ZNF578: variants seen among roughly 807,000 people sequenced by gnomAD.
ZNF578 encodes the protein zinc finger protein 578.
In ZNF578, 8 loss-of-function variants were observed where a neutral mutation model predicts 8.3. The ratio of observed to expected loss-of-function variants is 0.96; its 90% CI spans 0.56 to 1.74. ZNF578 has a LOEUF of 1.74. ZNF578 is among the 40% of genes most tolerant of loss of function. The probability of loss-of-function intolerance (pLI) is 0.00; values close to 1 mark genes in which losing one functional copy is unlikely to be tolerated. For missense variants in ZNF578, 726 were observed against 707.5 expected (o/e 1.03, Z -0.30); for synonymous variants, 206 against 232.2 (o/e 0.89, Z 1.03).
intron 3 of ZNF578, among the ~76,000 whole-genome samples, chr19:52,496,324 T>TATTTATTTATTTCTTTA (rs1301134040): frequency 8.1e-6 from 1 of 123,332 alleles, no homozygotes; most frequent in Admixed American, 8.3e-5. Flanking sequence ...CCTCATTTGT[T>TATTTATTTATTTCTTTA]GTTATTTATT....
chr19:52,494,936 A>G (rs550549162), intron 3 of ZNF578, among the ~76,000 whole-genome samples: 1 of 151,888 alleles, frequency 6.6e-6, no homozygotes, highest in Non-Finnish European at 1.5e-5. Flanking sequence ...GGCTCAAGCA[A>G]TCCTCCTCCC....
At chr19:52,466,239 A>G (rs1398718979) in intron 2 of ZNF578, among the ~76,000 whole-genome samples, 1 of 152,182 alleles carries the variant, frequency 6.6e-6, no homozygotes, top group Non-Finnish European at 1.5e-5. Context: ...TTATTCTTTA[A>G]CTTATCAGAG....
chr19:52,481,208 C>A (rs374145411), intron 2 of ZNF578, among the ~76,000 whole-genome samples: 46 of 152,218 alleles, frequency 3.0e-4, no homozygotes, highest in African/African-American at 1.0e-3. Flanking sequence ...GCGGCAGACT[C>A]CTCCTGGTGT....
intron 3 of ZNF578, among the ~76,000 whole-genome samples, chr19:52,499,218 G>T (rs1300002786): frequency 1.3e-5 from 2 of 152,204 alleles, no homozygotes; most frequent in African/African-American, 4.8e-5. Context: ...AAAATACAGT[G>T]TGTGACTTTT....
At chr19:52,506,436 C>T (rs1261711225) in intron 5 of ZNF578, among the ~76,000 whole-genome samples, 1 of 150,034 alleles carries the variant, frequency 6.7e-6, no homozygotes, top group Non-Finnish European at 1.5e-5. Flanking sequence ...CATGGTGAAA[C>T]CACATCTCTA....
intron 3 of ZNF578, among the ~76,000 whole-genome samples, chr19:52,500,530 C>A (rs2059403176): frequency 6.6e-6 from 1 of 151,610 alleles, no homozygotes; most frequent in Non-Finnish European, 1.5e-5. Context: ...CCTCAGCTTC[C>A]CAAGTAGATG....
chr19:52,496,618 C>G (rs900755325), intron 3 of ZNF578, among the ~76,000 whole-genome samples: 1 of 150,464 alleles, frequency 6.6e-6, no homozygotes. Context: ...CGTGAGCCAC[C>G]GCGCTCAGCC....
Position 52,458,468 on chromosome 19 carries a change from T to TTATATATATATATATATATATATATA in ZNF578, c.-122+1525_-122+1526insATATATATATATATATATATATATAT, listed in dbSNP as rs6146551. The TTATATATATATATATATATATATATA allele has an allele frequency of 6.9e-3, 836 of 121,562 alleles. 54 individuals carry two copies. Among genetic ancestry groups the TTATATATATATATATATATATATATA allele is most frequent in the African/African-American group, 0.029 (737 of 25,122 alleles). 7.5% of individuals were successfully genotyped at this position (121,562 alleles called of 1,614,324 possible). A position where few individuals can be genotyped will look rare whatever the true frequency, so the allele number is the denominator to read the frequency against. ...AAAAAACAACAACTTGCTACTATGT[T>TTATATATATATATATATATATATATA]TATATATATATATATTTTGAAAATC... is the stretch of plus-strand genomic sequence containing the variant. On this transcript the variant is annotated intron_variant, in intron 2 of 5. Transcript: ENST00000421239.
intron 2 of ZNF578, among the ~76,000 whole-genome samples, chr19:52,489,188 T>C (rs543826774): frequency 1.1e-5 from 1 of 90,836 alleles, no homozygotes; most frequent in Non-Finnish European, 2.7e-5. Flanking sequence ...AGAATCTCTT[T>C]AGGCAGGAGA....
intron 2 of ZNF578, among the ~76,000 whole-genome samples, chr19:52,460,197 T>C (rs1314311727): frequency 6.6e-6 from 1 of 151,904 alleles, no homozygotes; most frequent in African/African-American, 2.4e-5. Flanking sequence ...GATTATATGG[T>C]AGTACTGTTT....
At chr19:52,506,462 C>CTTTTT (rs35676968) in intron 5 of ZNF578, among the ~76,000 whole-genome samples, 10 of 109,148 alleles carry the variant, frequency 9.2e-5, no homozygotes, top group African/African-American at 3.0e-4. Flanking sequence ...AGTACAGTTT[C>CTTTTT]TTTTTTTTTT....
intron 3 of ZNF578, 76 bp from the exon 4 acceptor site, chr19:52,501,751 C>T: frequency 6.7e-7 from 1 of 1,489,268 alleles, no homozygotes; most frequent in Non-Finnish European, 9.1e-7. Context: ...GTGATGTCTC[C>T]CCGTTCCTGT....
intron 2 of ZNF578, among the ~76,000 whole-genome samples, chr19:52,464,533 A>G (rs1403746022): frequency 1.3e-5 from 2 of 152,168 alleles, no homozygotes; most frequent in African/African-American, 4.8e-5. Flanking sequence ...TCTATCCTGT[A>G]CTTGCATCCC....
At chr19:52,457,769 G>C (rs1263335839) in intron 2 of ZNF578, 1 of 152,786 alleles carries the variant, frequency 6.5e-6, no homozygotes, top group Non-Finnish European at 1.5e-5. Context: ...TAGAGGAAAA[G>C]CACAATTTGA....
At chr19:52,491,581 C>T (rs1272933213) in intron 3 of ZNF578, among the ~76,000 whole-genome samples, 156 bp downstream of exon 3, 2 of 151,726 alleles carry the variant, frequency 1.3e-5, no homozygotes, top group Admixed American at 6.6e-5. Flanking sequence ...TGGGCATGGT[C>T]GTGTGCGCTT....
At chr19:52,500,301 TG>T (rs1406807459) in intron 3 of ZNF578, among the ~76,000 whole-genome samples, 1 of 152,064 alleles carries the variant, frequency 6.6e-6, no homozygotes, top group Non-Finnish European at 1.5e-5. Flanking sequence ...TGGTTTGGTC[TG>T]GGAAGGTGGG....
At chr19:52,474,618 T>C in intron 2 of ZNF578, 1 of 315,626 alleles carries the variant, frequency 3.2e-6, no homozygotes, top group Non-Finnish European at 6.5e-6. Flanking sequence ...TCCTGAAGAC[T>C]TTACCACACT....
intron 4 of ZNF578, among the ~76,000 whole-genome samples, chr19:52,502,178 T>C (rs576696600): frequency 4.5e-4 from 69 of 152,186 alleles, no homozygotes; most frequent in African/African-American, 1.6e-3. Flanking sequence ...CAGACATGGA[T>C]TAACATGGGG....
intron 2 of ZNF578, among the ~76,000 whole-genome samples, chr19:52,466,487 T>A (rs2059275640): frequency 6.6e-6 from 1 of 152,238 alleles, no homozygotes; most frequent in Admixed American, 6.5e-5. Context: ...CCGTAAGCCC[T>A]TTCCCCAACA....
Sources: gnomAD v4.1 joint callset for allele counts (sites outside exome capture counted in the v4.1 genomes callset) on GRCh38, gnomAD v4.1.1 for gene constraint, MANE v1.5 for transcripts, NCBI Gene and HGNC (gene_info 2026-07-23, HGNC 2026-07-21) for gene names.